Variants in NBPF8 observed in about 807,000 individuals in gnomAD.
NBPF8 encodes the protein NBPF family member NBPF8.
chr1:120,461,251 C>T lies in NBPF8; in HGVS notation n.2837-3C>T. The T allele has an allele frequency of 3.2e-6, 2 of 626,870 alleles. No individual in the cohort carries two copies. Among genetic ancestry groups the T allele is most frequent in the Non-Finnish European group, 5.7e-6 (2 of 351,594 alleles). 38.8% of individuals were successfully genotyped at this position (626,870 alleles called of 1,614,324 possible). A position where few individuals can be genotyped will look rare whatever the true frequency, so the allele number is the denominator to read the frequency against. On this transcript the variant is annotated splice_polypyrimidine_tract_variant and splice_region_variant and intron_variant and non_coding_transcript_variant, in intron 18 of 24. Transcript: ENST00000583271. The stretch of plus-strand genomic sequence containing the variant: ...TATTCTTTACTTTTTCCCACTTTTC[C>T]AGGCTCAGCAGGGAGCTGCTGGATG...
chr1:120,461,396 C>T lies in NBPF8; in HGVS notation n.2979C>T, dbSNP rs1241037953. The T allele has an allele frequency of 7.1e-5, 72 of 1,013,246 alleles. 12 individuals carry two copies. The highest frequency in any genetic ancestry group is 6.9e-4 in the South Asian group (52 of 75,606). The allele number at this position is 1,013,246 out of a possible 1,614,324, so 62.8% of individuals were successfully genotyped here. ...AAGTGCGTTTTACATATTGGAGCAACAGCGTGTTGGCTTGGCTGTTGACAT... is the reference window on the plus strand; with the variant it reads ...AAGTGCGTTTTACATATTGGAGCAATAGCGTGTTGGCTTGGCTGTTGACAT... On this transcript the variant is annotated non_coding_transcript_exon_variant, in exon 19 of 25. Transcript: ENST00000583271.
upstream of NBPF8, chr1:120,433,518 G>A (rs1315103790): frequency 6.5e-6 from 1 of 154,102 alleles, no homozygotes; most frequent in African/African-American, 2.4e-5. Flanking sequence ...ATCTATCCCT[G>A]GCCCCCAGCC....
chr1:120,427,642 GTGTC>G (rs1660759503), intron 2 of NBPF8, among the ~76,000 whole-genome samples, 60 bp from the exon 3 acceptor site: 1 of 95,420 alleles, frequency 1.0e-5, no homozygotes, highest in Non-Finnish European at 2.1e-5. Flanking sequence ...TGGTAAGAAA[GTGTC>G]TCATTGGTAA....
intron 24 of NBPF8, among the ~76,000 whole-genome samples, chr1:120,465,744 C>G (rs1661724584): frequency 6.6e-6 from 1 of 151,298 alleles, no homozygotes; most frequent in Non-Finnish European, 1.5e-5. Context: ...GGCCAATTCA[C>G]TAGGTCACTT....
At chr1:120,428,382 C>T (rs1178772136) in intron 3 of NBPF8, among the ~76,000 whole-genome samples, 1 of 152,110 alleles carries the variant, frequency 6.6e-6, no homozygotes, top group Non-Finnish European at 1.5e-5. Flanking sequence ...ATATCAGAGC[C>T]AGAGGAACAT....
chr1:120,433,397 A>G (rs1399098194), upstream of NBPF8: 1 of 152,672 alleles, frequency 6.5e-6, no homozygotes, highest in Non-Finnish European at 1.5e-5. Context: ...ACATATGTAC[A>G]GTTATTGATT....
At chr1:120,434,390 T>C (rs1439027312), upstream of NBPF8, among the ~76,000 whole-genome samples, 3 of 146,966 alleles carry the variant, frequency 2.0e-5, no homozygotes, top group African/African-American at 7.5e-5. Flanking sequence ...TATGTATATA[T>C]AATATATATA....
intron 24 of NBPF8, 32 bp from the exon 23 acceptor site, chr1:120,465,946 G>T (rs1318728375): frequency 5.0e-6 from 8 of 1,611,558 alleles, no homozygotes; most frequent in East Asian, 2.2e-5. Context: ...GATTTTCCCT[G>T]GCTGCTTCTT....
chr1:120,433,809 C>T (rs1553247387), upstream of NBPF8: 12 of 178,580 alleles, frequency 6.7e-5, no homozygotes, highest in Middle Eastern at 2.0e-3. Flanking sequence ...GCTCTTCATA[C>T]GAAGATCCGT....
intron 16 of NBPF8, among the ~76,000 whole-genome samples, chr1:120,456,161 T>G (rs2101686776): frequency 6.6e-6 from 1 of 151,760 alleles, no homozygotes; most frequent in East Asian, 1.9e-4. Context: ...CTTTTACATT[T>G]GCTGACGAGT....
At chr1:120,431,822 C>T (rs1238804092), upstream of NBPF8, among the ~76,000 whole-genome samples, 2 of 150,706 alleles carry the variant, frequency 1.3e-5, no homozygotes, top group Non-Finnish European at 3.0e-5. Flanking sequence ...TCCAGACCAA[C>T]CTGAGGGGCG....
chr1:120,453,386 G>C, exon 14 of NBPF8: 1 of 872,906 alleles, frequency 1.1e-6, no homozygotes, highest in South Asian at 1.3e-5. Context: ...TGACAACGAT[G>C]ACGATGAAGA....
At chr1:120,466,176 A>G in exon 25 of NBPF8, 1 of 1,609,712 alleles carries the variant, frequency 6.2e-7, no homozygotes, top group Non-Finnish European at 8.5e-7. Flanking sequence ...TGACGGTGAC[A>G]AGTCTCTATC....
upstream of NBPF8, chr1:120,434,183 C>T (rs1168012705): frequency 6.6e-6 from 1 of 151,068 alleles, no homozygotes; most frequent in Non-Finnish European, 1.5e-5. Context: ...CACGACTCTG[C>T]TAGCTGTGCA....
intron 1 of NBPF8, among the ~76,000 whole-genome samples, chr1:120,425,518 T>A (rs1660698425): frequency 6.6e-6 from 1 of 152,140 alleles, no homozygotes; most frequent in Non-Finnish European, 1.5e-5. Flanking sequence ...CACATCCCCC[T>A]CTCTGGAAAT....
intron 18 of NBPF8, among the ~76,000 whole-genome samples, chr1:120,460,884 C>T (rs1285065828): frequency 3.3e-5 from 5 of 151,954 alleles, no homozygotes; most frequent in African/African-American, 1.2e-4. Flanking sequence ...GAAACTTGAG[C>T]ACATTTTATG....
intron 18 of NBPF8, among the ~76,000 whole-genome samples, chr1:120,460,921 T>C (rs1420476342): frequency 5.3e-5 from 8 of 152,000 alleles, no homozygotes; most frequent in Non-Finnish European, 1.2e-4. Context: ...AGGCTTTTCA[T>C]GATCACTGTT....
chr1:120,464,123 CTCTCTCTCTCTGTGTGTGTGTG>C (rs1661666768), intron 22 of NBPF8, among the ~76,000 whole-genome samples: 1 of 40,296 alleles, frequency 2.5e-5, no homozygotes, highest in African/African-American at 2.6e-4. Context: ...CGTTCTCTCT[CTCTCTCTCTCTGTGTGTGTGTG>C]TGTGTGTGTG....
exon 25 of NBPF8, chr1:120,465,985 A>T (rs1553250780): frequency 9.9e-6 from 16 of 1,610,996 alleles, no homozygotes; most frequent in Non-Finnish European, 1.4e-5. Flanking sequence ...CAGGCTCAAC[A>T]GCGTGCTGAT....
Sources: allele counts gnomAD v4.1 joint callset (sites outside exome capture counted in the v4.1 genomes callset), GRCh38; gene constraint gnomAD v4.1.1; transcripts MANE v1.5; gene names NCBI Gene and HGNC (gene_info 2026-07-23, HGNC 2026-07-21).